Variants in LPAR1 observed in about 807,000 individuals in gnomAD.
LPAR1 encodes lysophosphatidic acid receptor 1.
In LPAR1, 5 loss-of-function variants were observed where a neutral mutation model predicts 23.8. The observed-to-expected ratio is 0.21, with a 90% CI of 0.11 to 0.44. The LOEUF is 0.44. Ranked by LOEUF, LPAR1 falls within the 20% of genes least tolerant of loss-of-function variation. The pLI is 0.99. For missense variants in LPAR1, 311 were observed against 482.8 expected, an observed-to-expected ratio of 0.64 and a Z score of 3.33; for synonymous variants, 160 against 164.7, an observed-to-expected ratio of 0.97 and a Z score of 0.22.
In LPAR1 at chr9:110,941,033, ATTCTAC is replaced by A; in HGVS notation, c.793+382_793+387del. ...TAACTATATATGGAAGCATATTCAT[ATTCTAC>A]AAAAGCACTTTCTGTCTGAAAATAT... On this transcript the variant is annotated intron_variant, in intron 5 of 5. Coordinates refer to ENST00000683809, the MANE Select transcript of LPAR1 (RefSeq NM_001351411.2). The surrounding 1 kb of genome is among the most constrained non-coding windows in gnomAD (Gnocchi z 6.1). Among the ~76,000 whole-genome samples, 3 of 152,362 alleles carry A rather than the reference ATTCTAC, an allele frequency of 2.0e-5. 1 individual carries two copies. The South Asian group carries it at 6.2e-4, about 32-fold the overall frequency.
chr9:110,879,833 G>A (rs915969907), intron 5 of LPAR1, among the ~76,000 whole-genome samples: 3 of 152,158 alleles, frequency 2.0e-5, no homozygotes, highest in African/African-American at 4.8e-5. Flanking sequence ...TTTAGGAGAC[G>A]GACTCCATGA....
intron 2 of LPAR1, among the ~76,000 whole-genome samples, chr9:111,033,710 C>T (rs1241231256): frequency 6.6e-6 from 1 of 152,180 alleles, no homozygotes; most frequent in South Asian, 2.1e-4. Context: ...CAGCATCACA[C>T]CTGGCTAATT....
chr9:111,034,202 T>C (rs1049991678), intron 2 of LPAR1, among the ~76,000 whole-genome samples: 1 of 152,254 alleles, frequency 6.6e-6, no homozygotes, highest in African/African-American at 2.4e-5. Flanking sequence ...TCTCCTTCCA[T>C]CTACTGCCTT....
At chr9:110,958,733 T>C (rs2095844522) in intron 4 of LPAR1, among the ~76,000 whole-genome samples, 1 of 151,920 alleles carries the variant, frequency 6.6e-6, no homozygotes, top group African/African-American at 2.4e-5. Flanking sequence ...TTAAACTAAA[T>C]GTTTTAAAAC....
At chr9:110,959,193 A>T (rs2095866578) in intron 4 of LPAR1, among the ~76,000 whole-genome samples, 1 of 140,594 alleles carries the variant, frequency 7.1e-6, no homozygotes, top group Non-Finnish European at 1.6e-5. Flanking sequence ...AAACCACTAA[A>T]ACCAGACATT....
chr9:111,033,835 G>A (rs1438275539), intron 2 of LPAR1, among the ~76,000 whole-genome samples: 1 of 152,208 alleles, frequency 6.6e-6, no homozygotes, highest in East Asian at 1.9e-4. Context: ...TTACAGGCAT[G>A]AGCCGCCGTG....
chr9:110,908,836 G>C (rs1319139752), intron 5 of LPAR1, among the ~76,000 whole-genome samples: 1 of 152,164 alleles, frequency 6.6e-6, no homozygotes, highest in Non-Finnish European at 1.5e-5. Context: ...TTTCAGAAGG[G>C]ACACGAGAAC....
At chr9:110,918,259 G>A (rs920156506) in intron 5 of LPAR1, among the ~76,000 whole-genome samples, 9 of 152,024 alleles carry the variant, frequency 5.9e-5, no homozygotes, top group Non-Finnish European at 1.3e-4. Context: ...AAATAAACAG[G>A]CACATACTCT....
At chr9:110,910,780 G>A (rs527811482) in intron 5 of LPAR1, among the ~76,000 whole-genome samples, 7 of 152,336 alleles carry the variant, frequency 4.6e-5, no homozygotes, top group African/African-American at 1.7e-4. Flanking sequence ...CAAGACTTCA[G>A]TGGAGGAAGT....
intron 4 of LPAR1, among the ~76,000 whole-genome samples, chr9:110,943,134 TATA>T (rs1370626483): frequency 1.0e-4 from 15 of 147,958 alleles, no homozygotes; most frequent in Admixed American, 6.8e-4. Context: ...TGTAATTATA[TATA>T]ATAATATATT....
intron 5 of LPAR1, among the ~76,000 whole-genome samples, chr9:110,893,890 C>A (rs10817107): frequency 0.18 from 27,447 of 151,562 alleles, 2,815 homozygotes; most frequent in Admixed American, 0.25. Context: ...TGGTCTAAGA[C>A]GGAGGAAAAA....
At chr9:110,984,312 T>C (rs1241096202) in intron 2 of LPAR1, among the ~76,000 whole-genome samples, 2 of 152,014 alleles carry the variant, frequency 1.3e-5, no homozygotes, top group South Asian at 2.1e-4. Context: ...TTTTAGTTCC[T>C]ACAAATAAGA....
intron 4 of LPAR1, among the ~76,000 whole-genome samples, chr9:110,951,751 A>T (rs532900982): frequency 9.9e-5 from 15 of 152,160 alleles, no homozygotes; most frequent in African/African-American, 3.6e-4. Context: ...ACTAGATCAA[A>T]AGATTCTAAC....
chr9:111,032,500 G>C (rs1207108383), intron 2 of LPAR1, among the ~76,000 whole-genome samples: 1 of 152,136 alleles, frequency 6.6e-6, no homozygotes, highest in Non-Finnish European at 1.5e-5. Context: ...CTAGCACAAA[G>C]CCTGGTATAT....
intron 4 of LPAR1, among the ~76,000 whole-genome samples, chr9:110,955,592 T>C (rs2095710798): frequency 6.6e-6 from 1 of 152,108 alleles, no homozygotes; most frequent in Non-Finnish European, 1.5e-5. Context: ...GAACATTTCA[T>C]CCAACTGCTA....
chr9:110,987,433 C>T (rs2096806062), intron 2 of LPAR1, among the ~76,000 whole-genome samples: 1 of 151,260 alleles, frequency 6.6e-6, no homozygotes, highest in South Asian at 2.1e-4. Flanking sequence ...ACCAATAACA[C>T]TCCCTACTCC....
chr9:111,001,235 T>G (rs2097123133), intron 2 of LPAR1, among the ~76,000 whole-genome samples: 2 of 152,134 alleles, frequency 1.3e-5, no homozygotes, highest in South Asian at 4.1e-4. Flanking sequence ...TTATTTGCAA[T>G]CAAAATGATT....
At chr9:110,906,891 GAAGGA>G (rs1211062859) in intron 5 of LPAR1, among the ~76,000 whole-genome samples, 5,678 of 152,142 alleles carry the variant, frequency 0.037, 172 homozygotes, top group Non-Finnish European at 0.047. Context: ...ACTTAAGGAT[GAAGGA>G]AGTTTCTAAA....
chr9:110,916,690 A>C (rs922288778), intron 5 of LPAR1, among the ~76,000 whole-genome samples: 1 of 152,094 alleles, frequency 6.6e-6, no homozygotes, highest in Non-Finnish European at 1.5e-5. Flanking sequence ...CTAATGAGGC[A>C]GATGTCTTTT....
Sources: gnomAD v4.1 joint callset for allele counts (sites outside exome capture counted in the v4.1 genomes callset) on GRCh38, gnomAD v4.1.1 for gene constraint, Gnocchi (gnomAD v3.1) non-coding constraint, MANE v1.5 for transcripts, NCBI Gene and HGNC (gene_info 2026-07-23, HGNC 2026-07-21) for gene names.